The following ZBTB5 variants were observed in gnomAD, a reference collection of about 807,000 sequenced individuals.
The protein encoded by ZBTB5 is zinc finger and BTB domain-containing protein 5.
Under a neutral mutation model 37.9 loss-of-function variants are expected in ZBTB5, and 15 were observed. That is an observed-to-expected ratio of 0.40 (90% CI 0.26 to 0.61). ZBTB5 has a LOEUF of 0.61. Among genes scored for constraint, ZBTB5 ranks in the 20% least tolerant of loss-of-function variants. The pLI is 0.47. For missense variants in ZBTB5, 708 were observed against 856.8 expected, an observed-to-expected ratio of 0.83 and a Z score of 2.17; for synonymous variants, 315 against 312.4, an observed-to-expected ratio of 1.01 and a Z score of -0.09.
chr9:37,463,515 T>G (rs905534794), intron 1 of ZBTB5, among the ~76,000 whole-genome samples: 1 of 152,236 alleles, frequency 6.6e-6, no homozygotes, highest in Non-Finnish European at 1.5e-5. Context: ...CTGTCAGCAC[T>G]ACACCAGGTT....
rs377374124 is a variant in ZBTB5, at chr9:37,452,624, AG to A, written c.-4-10070del. Among the ~76,000 whole-genome samples, 34 of 152,338 alleles carry A rather than the reference AG, an allele frequency of 2.2e-4. No homozygotes were observed. In the East Asian group the frequency reaches 4.4e-3, roughly 20 times the overall value. Reference sequence around the variant, plus strand: ...GAAAATGGGAGTAAGGAGCAGGAGAAGGAAGCAGCAGCCAAGTAAAGGTATA... The same window carrying A: ...GAAAATGGGAGTAAGGAGCAGGAGAAGAAGCAGCAGCCAAGTAAAGGTATA... On this transcript the variant is annotated intron_variant, in intron 1 of 1. Transcript: ENST00000307750.
intron 1 of ZBTB5, among the ~76,000 whole-genome samples, chr9:37,444,800 C>T (rs1172480238): frequency 2.0e-5 from 3 of 152,006 alleles, no homozygotes; most frequent in East Asian, 3.9e-4. Context: ...TCTCAGGAGG[C>T]GACTAAGATT....
Position 37,441,272 on chromosome 9 carries a change from T to C in ZBTB5, c.1280A>G (p.Asn427Ser). Reference sequence around the variant, plus strand: ...AGTGGTGTTTGGAATATTATCATCATTGTTCTGATTTGCAGTAAAGTTATT... The same window carrying C: ...AGTGGTGTTTGGAATATTATCATCACTGTTCTGATTTGCAGTAAAGTTATT... ...RGNNFTANQN[N>S]DDNIPNTTSD... The change falls in exon 2 of 2, where the codon AAT becomes AGT. Residue 427 changes from asparagine (N) to serine (S), a missense_variant. Physicochemically the swap from Asn to Ser is conservative, Grantham distance 46. Around this residue, in one of 3 missense-constraint regions of ZBTB5, gnomAD observed 639 missense variants for 690.5 expected, o/e 0.93. Transcript: ENST00000307750. The C allele has an allele frequency of 1.9e-6, 3 of 1,613,130 alleles. No individual in the cohort carries two copies. The highest frequency in any genetic ancestry group is 2.5e-6 in the Non-Finnish European group (3 of 1,180,028).
rs567479519 is a variant in ZBTB5 at position 37,439,843 on chromosome 9, T to A, written c.*675A>T. 2.6e-5 allele frequency: 4 copies of A among 152,824 alleles called. No individual in the cohort carries two copies. The East Asian group carries it at 7.7e-4, about 29-fold the overall frequency. The allele number at this position is 152,824 out of a possible 1,614,324, so 9.5% of individuals were successfully genotyped here. ...CACACTCCATTTACAATTTGGTTTTTAAACCAGAAAAAACTGTTAAAACAT... is the reference window on the plus strand; with the variant it reads ...CACACTCCATTTACAATTTGGTTTTAAAACCAGAAAAAACTGTTAAAACAT... On this transcript the variant is annotated 3_prime_UTR_variant, in exon 2 of 2. Transcript: ENST00000307750.
At chr9:37,454,934 C>G (rs1202639390) in intron 1 of ZBTB5, among the ~76,000 whole-genome samples, 2 of 152,210 alleles carry the variant, frequency 1.3e-5, no homozygotes, top group Non-Finnish European at 1.5e-5. Context: ...GATCCTACTT[C>G]TGTGTGGGCT....
intron 1 of ZBTB5, among the ~76,000 whole-genome samples, chr9:37,461,540 C>T (rs1824293450): frequency 1.3e-5 from 2 of 152,126 alleles, no homozygotes. Flanking sequence ...CCAGCCTGGC[C>T]AACATGGCGA....
rs983231841 is a variant in ZBTB5, at chr9:37,438,840, T to C, written c.*1678A>G. The stretch of plus-strand genomic sequence containing the variant: ...CCAATGGGCTCTTTCCCACATCTAC[T>C]CGAAAGGAATCGTGGGTTTCCCTTT... On this transcript the variant is annotated 3_prime_UTR_variant, in exon 2 of 2. Coordinates refer to ENST00000307750, the MANE Select transcript of ZBTB5 (RefSeq NM_014872.3). The C allele has an allele frequency of 2.0e-5, 3 of 152,132 alleles. No homozygotes were observed. The highest frequency in any genetic ancestry group is 7.2e-5 in the African/African-American group (3 of 41,408). 9.4% of individuals were successfully genotyped at this position (152,132 alleles called of 1,614,324 possible).
chr9:37,447,115 T>C (rs1824004878), intron 1 of ZBTB5, among the ~76,000 whole-genome samples: 1 of 152,226 alleles, frequency 6.6e-6, no homozygotes, highest in Non-Finnish European at 1.5e-5. Flanking sequence ...AGAGGTTTAA[T>C]TGACTCACAG....
chr9:37,451,397 T>C (rs1824100944), intron 1 of ZBTB5, among the ~76,000 whole-genome samples: 1 of 151,582 alleles, frequency 6.6e-6, no homozygotes, highest in Admixed American at 6.6e-5. Flanking sequence ...CAAAACCCTG[T>C]CTCTACAAAA....
At chr9:37,447,345 T>C (rs1395014194) in intron 1 of ZBTB5, among the ~76,000 whole-genome samples, 1 of 152,212 alleles carries the variant, frequency 6.6e-6, no homozygotes, top group East Asian at 1.9e-4. Flanking sequence ...ATGTGGGGAT[T>C]CAATTTGAGA....
chr9:37,443,286 C>A (rs191151218), intron 1 of ZBTB5, among the ~76,000 whole-genome samples: 2 of 151,614 alleles, frequency 1.3e-5, no homozygotes, highest in African/African-American at 4.8e-5. Context: ...TGAGATCACA[C>A]CACTGCACTC....
chr9:37,445,963 T>C (rs924955587), intron 1 of ZBTB5, among the ~76,000 whole-genome samples: 1 of 151,926 alleles, frequency 6.6e-6, no homozygotes, highest in Non-Finnish European at 1.5e-5. Flanking sequence ...TAGCCGGCCA[T>C]GGTGGCGAGT....
At chr9:37,451,037 G>T (rs1051390249) in intron 1 of ZBTB5, among the ~76,000 whole-genome samples, 3 of 151,986 alleles carry the variant, frequency 2.0e-5, no homozygotes, top group African/African-American at 4.8e-5. Context: ...AAAAATAGCC[G>T]GGTGTGGTGA....
chr9:37,441,815 G>A lies in ZBTB5; in HGVS notation c.737C>T (p.Ala246Val), dbSNP rs62636610. ...DSLKIVDNPK[A>V]DGMTDNQEDS... is the part of the protein sequence containing the mutation. ...TTCCTGGTTATCAGTCATTCCATCAGCTTTAGGATTATCCACAATTTTCAG... is the reference window on the plus strand; with the variant it reads ...TTCCTGGTTATCAGTCATTCCATCAACTTTAGGATTATCCACAATTTTCAG... The change falls in exon 2 of 2, where the codon GCT becomes GTT. Residue 246 changes from alanine to valine, a missense_variant. This residue lies in a region of ZBTB5 where 639 missense variants were observed against 690.5 expected (regional missense o/e 0.93). Coordinates refer to ENST00000307750, the MANE Select transcript of ZBTB5 (RefSeq NM_014872.3). The A allele has an allele frequency of 3.5e-4, 568 of 1,614,064 alleles. No homozygotes were observed. In the African/African-American group the frequency reaches 6.7e-3, roughly 19 times the overall value.
In ZBTB5 at chr9:37,439,957, G is replaced by GTGTT. The variant is rs1434351205; in HGVS notation, c.*557_*560dup. The stretch of plus-strand genomic sequence containing the variant: ...GACCCAGTGTCAGCACCAAAGTGCA[G>GTGTT]TGTTTATGACTGCAAATCAGGTAAA... On this transcript the variant is annotated 3_prime_UTR_variant, in exon 2 of 2. Coordinates refer to ENST00000307750, the MANE Select transcript of ZBTB5 (RefSeq NM_014872.3). 1 of 155,946 alleles carries GTGTT rather than the reference G, an allele frequency of 6.4e-6. No individual in the cohort carries two copies. The highest frequency in any genetic ancestry group is 6.2e-5 in the Admixed American group (1 of 16,032). 9.7% of individuals were successfully genotyped at this position (155,946 alleles called of 1,614,324 possible). A position where few individuals can be genotyped will look rare whatever the true frequency, so the allele number is the denominator to read the frequency against.
At chr9:37,461,251 G>A (rs1453678323) in intron 1 of ZBTB5, among the ~76,000 whole-genome samples, 1 of 151,956 alleles carries the variant, frequency 6.6e-6, no homozygotes, top group Non-Finnish European at 1.5e-5. Context: ...AATCCTCTTC[G>A]CAAAAAAGAC....
At position 37,462,523 on chromosome 9, in the gene ZBTB5, C is replaced by T. The variant is rs879405807; in HGVS notation, c.-5+2692G>A. Among the ~76,000 whole-genome samples, 28 of 151,734 alleles carry T rather than the reference C, an allele frequency of 1.8e-4. No individual in the cohort carries two copies. In the South Asian group the frequency reaches 2.7e-3, roughly 15 times the overall value. ...CCCCTTTCCTAATTGGTTTTCTACA[C>T]TGTCGTGCCCACCTTTGAGTGGTGT... On this transcript the variant is annotated intron_variant, in intron 1 of 1. Transcript: ENST00000307750.
intron 1 of ZBTB5, among the ~76,000 whole-genome samples, chr9:37,462,810 C>T (rs1306596380): frequency 6.6e-6 from 1 of 152,086 alleles, no homozygotes; most frequent in Non-Finnish European, 1.5e-5. Flanking sequence ...GCAATCTGCC[C>T]GCCTCAGCCT....
At chr9:37,443,352 A>AG (rs1293252458) in intron 1 of ZBTB5, among the ~76,000 whole-genome samples, 6 of 151,982 alleles carry the variant, frequency 3.9e-5, no homozygotes, top group Non-Finnish European at 8.8e-5. Context: ...AAAAAACACT[A>AG]AAGTTTTTGT....
Sources: allele counts gnomAD v4.1 joint callset (sites outside exome capture counted in the v4.1 genomes callset), GRCh38; gene constraint gnomAD v4.1.1; regional missense constraint gnomAD v4.1.1; transcripts MANE v1.5; gene names NCBI Gene and HGNC (gene_info 2026-07-23, HGNC 2026-07-21).